RGS22: variants seen among roughly 807,000 people sequenced by gnomAD.
RGS22 encodes the protein regulator of G protein signaling 22.
Under a neutral mutation model 172.9 loss-of-function variants are expected in RGS22, and 148 were observed. That is an observed-to-expected ratio of 0.86 (90% CI 0.75 to 0.98). RGS22 has a LOEUF of 0.98. Ranked by LOEUF, RGS22 falls within the 50% of genes least tolerant of loss-of-function variation. RGS22 has a pLI of 0.00. For missense variants in RGS22, 1,347 were observed against 1,440.8 expected (o/e 0.93, Z 1.05); for synonymous variants, 458 against 480.2 (o/e 0.95, Z 0.60).
intron 14 of RGS22, among the ~76,000 whole-genome samples, chr8:100,021,035 G>T (rs190979658): frequency 3.6e-4 from 55 of 152,234 alleles, no homozygotes; most frequent in Non-Finnish European, 7.3e-4. Flanking sequence ...CTAGAGATCT[G>T]GTTGTTAAAC....
At chr8:100,035,244 C>T (rs1011562043) in intron 14 of RGS22, among the ~76,000 whole-genome samples, 13 of 152,168 alleles carry the variant, frequency 8.5e-5, no homozygotes, top group East Asian at 3.9e-4. Context: ...CTACGAAGAG[C>T]TCAAACAAAT....
chr8:100,039,192 C>G (rs1188124963), intron 13 of RGS22, among the ~76,000 whole-genome samples, 160 bp from the exon 14 acceptor site: 3 of 152,120 alleles, frequency 2.0e-5, no homozygotes, highest in Middle Eastern at 3.2e-3. Context: ...TGGCAATACA[C>G]AAAATATTTA....
At chr8:100,020,392 T>C (rs1040761120) in intron 14 of RGS22, among the ~76,000 whole-genome samples, 2 of 152,210 alleles carry the variant, frequency 1.3e-5, no homozygotes, top group African/African-American at 4.8e-5. Flanking sequence ...CTTCATGAAG[T>C]TCACAGTAAA....
At chr8:100,074,137 T>G (rs1298466562) in intron 4 of RGS22, among the ~76,000 whole-genome samples, 1 of 152,160 alleles carries the variant, frequency 6.6e-6, no homozygotes, top group Non-Finnish European at 1.5e-5. Flanking sequence ...TTTAGGTAAA[T>G]CAATACAGAA....
chr8:100,049,315 G>C (rs1333451604), intron 10 of RGS22, among the ~76,000 whole-genome samples: 2 of 152,160 alleles, frequency 1.3e-5, no homozygotes, highest in Admixed American at 6.5e-5. Flanking sequence ...CTTAGTTTCT[G>C]TATGGAAAAA....
In RGS22 at chr8:100,103,901, G is replaced by A. The variant is rs183812641; in HGVS notation, c.54+1473C>T. Among the ~76,000 whole-genome samples the A allele has an allele frequency of 5.7e-4, 87 of 152,328 alleles. 1 individual carries two copies. Among genetic ancestry groups the A allele is most frequent in the Middle Eastern group, 3.4e-3 (1 of 294 alleles). ...GAACTGTTCAAACAGTAAGTGGCGTGTTGTTGAGTAGTCTTCAGCAGCATG... is the reference window on the plus strand; with the variant it reads ...GAACTGTTCAAACAGTAAGTGGCGTATTGTTGAGTAGTCTTCAGCAGCATG... On this transcript the variant is annotated intron_variant, in intron 2 of 27. Transcript: ENST00000360863.
In RGS22 at chr8:100,047,545, C is replaced by A; in HGVS notation, c.1741G>T (p.Glu581Ter). Residue 581 changes from glutamate (E) to a stop codon, truncating the protein, a stop_gained, in exon 11 of 28, where the codon GAA (glutamate) becomes TAA (stop). Transcript: ENST00000360863. LOFTEE classifies it high-confidence loss of function. ...GGCTTTTGAGTTGCTGTTTTTACTT[C>A]AGGTGATTTATTGGGAGATTTAGGA... is the stretch of plus-strand genomic sequence containing the variant. ...QPPKSPNKSP[E>*]VKTATQKPWK... 1 of 1,613,224 alleles carries A rather than the reference C, an allele frequency of 6.2e-7. No individual in the cohort carries two copies. The highest frequency in any genetic ancestry group is 8.5e-7 in the Non-Finnish European group (1 of 1,179,590).
In RGS22 at chr8:99,978,490, C is replaced by T. The variant is rs979737093; in HGVS notation, c.3361-415G>A. On this transcript the variant is annotated intron_variant, in intron 22 of 27. Transcript: ENST00000360863. The stretch of plus-strand genomic sequence containing the variant: ...TCATCAAGGAAACTCCCTCCTCCCT[C>T]TTTTCTTTCTTTTAGAGAAAGGAAA... Among the ~76,000 whole-genome samples the T allele has an allele frequency of 3.9e-5, 6 of 152,162 alleles. No homozygotes were observed. In the East Asian group the frequency reaches 5.8e-4, roughly 15 times the overall value.
At chr8:100,020,736 A>C (rs1817520558) in intron 14 of RGS22, among the ~76,000 whole-genome samples, 1 of 152,238 alleles carries the variant, frequency 6.6e-6, no homozygotes, top group Non-Finnish European at 1.5e-5. Flanking sequence ...ACAATTAAAG[A>C]AATTATGATT....
intron 9 of RGS22, among the ~76,000 whole-genome samples, chr8:100,058,915 A>G (rs1809875972): frequency 6.6e-6 from 1 of 152,204 alleles, no homozygotes; most frequent in South Asian, 2.1e-4. Flanking sequence ...AAGACTAAAC[A>G]ATGAACCAAT....
intron 20 of RGS22, among the ~76,000 whole-genome samples, chr8:99,995,266 G>A (rs989939401): frequency 1.9e-4 from 29 of 152,228 alleles, no homozygotes; most frequent in African/African-American, 6.5e-4. Context: ...ATAGACAAAC[G>A]GGATCTAATT....
Position 99,987,475 on chromosome 8 carries a change from C to T in RGS22, c.3163G>A (p.Glu1055Lys). The T allele has an allele frequency of 6.2e-7, 1 of 1,607,408 alleles. No individual in the cohort carries two copies. Among genetic ancestry groups the T allele is most frequent in the Non-Finnish European group, 8.5e-7 (1 of 1,176,476 alleles). The stretch of plus-strand genomic sequence containing the variant: ...TACAATACCTTATATTTTTGTACTT[C>T]TTGCCAAAAGAGTAAACCATTTTCC... Reference protein sequence around the residue: ...LLENGLLFWQEVQKYKDLCHS... With the variant: ...LLENGLLFWQKVQKYKDLCHS... Residue 1055 changes from glutamate (E) to lysine (K), a missense_variant, in exon 21 of 28, where the codon GAA becomes AAA. Coordinates refer to ENST00000360863, the MANE Select transcript of RGS22 (RefSeq NM_015668.5).
intron 23 of RGS22, among the ~76,000 whole-genome samples, chr8:99,975,650 TA>T (rs1221779982): frequency 1.1e-3 from 174 of 152,180 alleles, no homozygotes; most frequent in Non-Finnish European, 2.9e-4. Flanking sequence ...TTTACTATTA[TA>T]AGTGATGCTG....
At chr8:100,071,621 A>G in intron 5 of RGS22, 84 bp from the exon 6 acceptor site, 1 of 1,043,722 alleles carries the variant, frequency 9.6e-7, no homozygotes, top group Admixed American at 2.5e-5. Flanking sequence ...TTATGTATTC[A>G]AGCCAATCTC....
At chr8:100,061,994 G>A (rs935336867) in intron 9 of RGS22, among the ~76,000 whole-genome samples, 2 of 152,172 alleles carry the variant, frequency 1.3e-5, no homozygotes, top group African/African-American at 4.8e-5. Context: ...TATGTCCTTT[G>A]CAGGAATATG....
At chr8:100,053,022 C>T in intron 9 of RGS22, 46 bp from the exon 10 acceptor site, 1 of 1,551,302 alleles carries the variant, frequency 6.4e-7, no homozygotes, top group Non-Finnish European at 8.8e-7. Context: ...AACAACAAGC[C>T]TCAAAAATGA....
chr8:99,983,533 G>C (rs964816400), intron 21 of RGS22, among the ~76,000 whole-genome samples: 2 of 152,078 alleles, frequency 1.3e-5, no homozygotes, highest in Non-Finnish European at 1.5e-5. Flanking sequence ...CTGTGGTTTT[G>C]ATTTGCATTT....
chr8:100,043,416 C>G lies in RGS22; in HGVS notation c.1824-1500G>C, dbSNP rs16897905. Among the ~76,000 whole-genome samples, 1,468 of 152,302 alleles carry G rather than the reference C, an allele frequency of 9.6e-3. 22 individuals carry two copies. Among genetic ancestry groups the G allele is most frequent in the African/African-American group, 0.033 (1,385 of 41,550 alleles). ...ATTCTATTCTAGGCATATCAACAGA[C>G]TCAAGTCTTCACATTAAAAATACTC... On this transcript the variant is annotated intron_variant, in intron 11 of 27. Coordinates refer to ENST00000360863, the MANE Select transcript of RGS22 (RefSeq NM_015668.5).
intron 6 of RGS22, among the ~76,000 whole-genome samples, chr8:100,069,235 T>C (rs2131830982): frequency 6.6e-6 from 1 of 152,346 alleles, no homozygotes. Context: ...AGTTTGGAAG[T>C]GCCTATCCAG....
Sources: gnomAD v4.1 joint callset for allele counts (sites outside exome capture counted in the v4.1 genomes callset) on GRCh38, gnomAD v4.1.1 for gene constraint, MANE v1.5 for transcripts, NCBI Gene and HGNC (gene_info 2026-07-23, HGNC 2026-07-21) for gene names.